The following PPHLN1 variants were observed in gnomAD, a reference collection of about 807,000 sequenced individuals.
The protein encoded by PPHLN1 is periphilin-1.
A neutral mutation model predicts 51.3 loss-of-function variants in PPHLN1; 29 were observed. That is an observed-to-expected ratio of 0.57 (90% confidence interval 0.42 to 0.77). The LOEUF is 0.77. Among genes scored for constraint, PPHLN1 ranks in the 30% least tolerant of loss-of-function variants. The pLI is 0.00. For synonymous variants in PPHLN1, 147 were observed against 147.8 expected (o/e 0.99, Z 0.04); for missense variants, 436 against 438.4 (o/e 0.99, Z 0.05).
At chr12:42,382,375 G>A (rs2076827213) in intron 5 of PPHLN1, among the ~76,000 whole-genome samples, 1 of 151,896 alleles carries the variant, frequency 6.6e-6, no homozygotes, top group Non-Finnish European at 1.5e-5. Context: ...TTTGATTTCT[G>A]TACTGCCACT....
chr12:42,377,301 CTTTTT>C (rs11297368), intron 5 of PPHLN1, among the ~76,000 whole-genome samples: 8 of 104,990 alleles, frequency 7.6e-5, no homozygotes, highest in Admixed American at 1.1e-4. Flanking sequence ...TTTTTTCTTT[CTTTTT>C]TTTTTTTTTT....
intron 1 of PPHLN1, chr12:42,329,717 A>G (rs1177396879): frequency 6.6e-6 from 1 of 152,184 alleles, no homozygotes; most frequent in East Asian, 1.9e-4. Flanking sequence ...GGGATCTGTT[A>G]TAAGTGACAT....
At chr12:42,426,279 C>T (rs2081491285) in intron 9 of PPHLN1, among the ~76,000 whole-genome samples, 1 of 151,344 alleles carries the variant, frequency 6.6e-6, no homozygotes, top group Admixed American at 6.6e-5. Flanking sequence ...GATGACCTGC[C>T]TTCCAGACCC....
intron 9 of PPHLN1, among the ~76,000 whole-genome samples, chr12:42,418,208 CCTCTTTT>C (rs2080623840): frequency 9.9e-6 from 1 of 100,904 alleles, no homozygotes; most frequent in Non-Finnish European, 1.9e-5. Context: ...TGCTCCCGGC[CCTCTTTT>C]TTTTTTTTTT....
intron 7 of PPHLN1, among the ~76,000 whole-genome samples, chr12:42,392,148 G>A (rs2077779336): frequency 6.6e-6 from 1 of 152,088 alleles, no homozygotes; most frequent in African/African-American, 2.4e-5. Flanking sequence ...CCCAGGAGGC[G>A]GAGGTTGCAG....
chr12:42,358,975 A>G (rs2074336303), intron 4 of PPHLN1, among the ~76,000 whole-genome samples: 1 of 152,168 alleles, frequency 6.6e-6, no homozygotes, highest in African/African-American at 2.4e-5. Context: ...TTTTTAATAA[A>G]AATCTTAACA....
intron 9 of PPHLN1, among the ~76,000 whole-genome samples, chr12:42,428,944 A>C (rs1389945698): frequency 6.6e-6 from 1 of 151,738 alleles, no homozygotes; most frequent in Non-Finnish European, 1.5e-5. Context: ...GACTTGGGAA[A>C]TGTGCAAATT....
At chr12:42,408,125 T>C (rs1178926569) in intron 9 of PPHLN1, among the ~76,000 whole-genome samples, 1 of 152,216 alleles carries the variant, frequency 6.6e-6, no homozygotes, top group Non-Finnish European at 1.5e-5. Context: ...AATAATTTTC[T>C]ATTTTGGGCG....
chr12:42,409,818 G>A (rs1391480472), intron 9 of PPHLN1, among the ~76,000 whole-genome samples: 1 of 151,886 alleles, frequency 6.6e-6, no homozygotes, highest in Non-Finnish European at 1.5e-5. Context: ...TCTATTATGT[G>A]TCTGTTTTCA....
chr12:42,364,659 G>C (rs2075071463), intron 4 of PPHLN1, among the ~76,000 whole-genome samples: 1 of 152,078 alleles, frequency 6.6e-6, no homozygotes, highest in Non-Finnish European at 1.5e-5. Context: ...GGTGGCTCAT[G>C]CTTGTAATCT....
intron 6 of PPHLN1, among the ~76,000 whole-genome samples, chr12:42,385,505 A>T (rs1009663782): frequency 2.6e-5 from 4 of 152,188 alleles, no homozygotes; most frequent in Non-Finnish European, 5.9e-5. Context: ...AAGGTCCAAG[A>T]CTATACTTCG....
downstream of PPHLN1, chr12:42,447,463 G>A (rs1338451185): frequency 6.6e-6 from 1 of 152,160 alleles, no homozygotes; most frequent in Non-Finnish European, 1.5e-5. Context: ...AGCAGTCTAT[G>A]GAAACAACCC....
intron 9 of PPHLN1, among the ~76,000 whole-genome samples, chr12:42,413,583 A>T (rs918714062): frequency 1.4e-4 from 20 of 140,112 alleles, no homozygotes; most frequent in African/African-American, 4.5e-4. Flanking sequence ...TTCTTTTGAG[A>T]TGGAGTGTCA....
intron 9 of PPHLN1, among the ~76,000 whole-genome samples, chr12:42,417,941 T>TG (rs2080575113): frequency 2.0e-5 from 1 of 50,282 alleles, no homozygotes. Context: ...TGTTTTTTTT[T>TG]TGTTTTTTTT....
At chr12:42,371,099 G>C (rs146134289) in intron 4 of PPHLN1, among the ~76,000 whole-genome samples, 3 of 143,644 alleles carry the variant, frequency 2.1e-5, no homozygotes, top group African/African-American at 7.7e-5. Context: ...GAGCCACCTC[G>C]CCCAGCCTGG....
rs971103038 is a variant in PPHLN1 at position 42,441,405 on chromosome 12, T to C, written c.1000T>C (p.Leu334=). The change falls in exon 10 of 10, where the codon TTG becomes CTG. Residue 334 remains leucine (L), a synonymous_variant. Coordinates refer to ENST00000358314, the MANE Select transcript of PPHLN1 (RefSeq NM_201439.2). ...PSLEKSIQFA[L]RQNLHEIGER... ...ATTAGAAAAGTCTATACAGTTTGCATTGAGGCAGAATTTACATGAAATAGG... is the reference window on the plus strand; with the variant it reads ...ATTAGAAAAGTCTATACAGTTTGCACTGAGGCAGAATTTACATGAAATAGG... 1.9e-6 allele frequency: 3 copies of C among 1,614,134 alleles called. No homozygotes were observed. Among genetic ancestry groups the C allele is most frequent in the East Asian group, 2.2e-5 (1 of 44,872 alleles).
chr12:42,341,409 A>G (rs1205937397), intron 2 of PPHLN1, among the ~76,000 whole-genome samples: 1 of 152,170 alleles, frequency 6.6e-6, no homozygotes, highest in African/African-American at 2.4e-5. Flanking sequence ...AAGGTAAGGT[A>G]CCTTCTGTAG....
chr12:42,412,164 C>T (rs766172193), intron 9 of PPHLN1, among the ~76,000 whole-genome samples: 3 of 152,074 alleles, frequency 2.0e-5, no homozygotes, highest in Non-Finnish European at 1.5e-5. Context: ...AAGATCACGC[C>T]ACTGCACTCC....
chr12:42,447,943 A>G (rs1025130029), downstream of PPHLN1: 4 of 152,224 alleles, frequency 2.6e-5, no homozygotes, highest in Non-Finnish European at 5.9e-5. Context: ...TTTATAAAAC[A>G]TAAGCCAAGC....
Sources: gnomAD v4.1 joint callset for allele counts (sites outside exome capture counted in the v4.1 genomes callset) on GRCh38, gnomAD v4.1.1 for gene constraint, MANE v1.5 for transcripts, NCBI Gene and HGNC (gene_info 2026-07-23, HGNC 2026-07-21) for gene names.